Variants in DTX4 observed in about 807,000 individuals in gnomAD.
The protein encoded by DTX4 is deltex E3 ubiquitin ligase 4.
Under a neutral mutation model 57.6 loss-of-function variants are expected in DTX4, and 28 were observed. The ratio of observed to expected loss-of-function variants is 0.49; its 90% CI spans 0.36 to 0.67. The LOEUF (loss-of-function observed/expected upper bound fraction) is 0.67, where lower values mean the gene tolerates loss of function less well. Among genes scored for constraint, DTX4 ranks in the 30% least tolerant of loss-of-function variants. DTX4 has a pLI of 0.00. For missense variants in DTX4, 715 were observed against 836.8 expected (o/e 0.85, Z 1.80); for synonymous variants, 316 against 331.0 (o/e 0.95, Z 0.49).
chr11:59,188,742 A>G lies in DTX4; in HGVS notation c.943A>G (p.Thr315Ala). 6.2e-7 allele frequency: 1 copy of G among 1,613,898 alleles called. No individual in the cohort carries two copies. Among genetic ancestry groups the G allele is most frequent in the Non-Finnish European group, 8.5e-7 (1 of 1,179,782 alleles). Residue 315 changes from threonine to alanine, a missense_variant, in exon 3 of 9, where the codon ACA (threonine) becomes GCA (alanine). Thr to Ala is a moderately conservative substitution (Grantham distance 58). Coordinates refer to ENST00000227451, the MANE Select transcript of DTX4 (RefSeq NM_015177.2). ...TGCTCTTTCCTTTCACAGGGTCCCCACAGTCCCAGTGAAGAACCTAAATGG... is the reference window on the plus strand; with the variant it reads ...TGCTCTTTCCTTTCACAGGGTCCCCGCAGTCCCAGTGAAGAACCTAAATGG... Reference protein sequence around the residue: ...SRVLIASGVPTVPVKNLNGSS... With the variant: ...SRVLIASGVPAVPVKNLNGSS...
At chr11:59,195,451 T>A in intron 7 of DTX4, 82 bp downstream of exon 7, 2 of 1,457,066 alleles carry the variant, frequency 1.4e-6, no homozygotes, top group Non-Finnish European at 1.8e-6. Context: ...AAGTTACATA[T>A]GAAGAGTCTC....
At chr11:59,177,444 C>T (rs768976232) in intron 1 of DTX4, among the ~76,000 whole-genome samples, 1 of 152,198 alleles carries the variant, frequency 6.6e-6, no homozygotes, top group African/African-American at 2.4e-5. Context: ...TCTATGCCAA[C>T]ACCTCTCCAC....
chr11:59,176,038 G>A (rs377321704), intron 1 of DTX4, among the ~76,000 whole-genome samples: 6 of 152,294 alleles, frequency 3.9e-5, no homozygotes, highest in South Asian at 2.1e-4. Flanking sequence ...GTAAAGGAGC[G>A]TTCTTTCCAG....
At chr11:59,188,672 A>C (rs1862557672) in intron 2 of DTX4, 63 bp from the exon 3 acceptor site, 2 of 1,406,818 alleles carry the variant, frequency 1.4e-6, no homozygotes, top group Non-Finnish European at 2.0e-6. Flanking sequence ...TATTAGAATT[A>C]AATACTGGTC....
rs974169535 is a variant in DTX4 at position 59,205,086 on chromosome 11, G to A, written c.*177G>A. 2.3e-5 allele frequency: 14 copies of A among 598,318 alleles called. No individual in the cohort carries two copies. The East Asian group carries it at 3.1e-4, about 13-fold the overall frequency. 37.1% of individuals were successfully genotyped at this position (598,318 alleles called of 1,614,324 possible). A position where few individuals can be genotyped will look rare whatever the true frequency, so the allele number is the denominator to read the frequency against. ...CAGTGGGAGCCAGACTGAATATAGCGACATCATTCATAAATCTCATCCAAC... is the reference window on the plus strand; with the variant it reads ...CAGTGGGAGCCAGACTGAATATAGCAACATCATTCATAAATCTCATCCAAC... On this transcript the variant is annotated 3_prime_UTR_variant, in exon 9 of 9. Coordinates refer to ENST00000227451, the MANE Select transcript of DTX4 (RefSeq NM_015177.2).
intron 2 of DTX4, among the ~76,000 whole-genome samples, chr11:59,185,786 A>G (rs756407839): frequency 3.3e-5 from 5 of 152,308 alleles, no homozygotes; most frequent in Middle Eastern, 3.4e-3. Flanking sequence ...TGCCCCTTTT[A>G]TACTTGGGAG....
intron 6 of DTX4, among the ~76,000 whole-genome samples, chr11:59,192,578 C>T (rs979087002): frequency 2.6e-5 from 4 of 152,154 alleles, no homozygotes; most frequent in Admixed American, 1.3e-4. Flanking sequence ...GTGAAGTGTG[C>T]TCCCATCAGT....
At chr11:59,195,092 C>T (rs1862645314) in intron 6 of DTX4, 116 bp from the exon 7 acceptor site, 4 of 1,057,960 alleles carry the variant, frequency 3.8e-6, no homozygotes, top group Admixed American at 3.6e-5. Flanking sequence ...ATCTATCACT[C>T]ACCAGGGTGC....
chr11:59,189,337 G>A lies in DTX4; in HGVS notation c.1159+14G>A. 1 of 1,523,074 alleles carries A rather than the reference G, an allele frequency of 6.6e-7. No homozygotes were observed. The highest frequency in any genetic ancestry group is 1.3e-5 in the South Asian group (1 of 79,916). 94.3% of individuals were successfully genotyped at this position (1,523,074 alleles called of 1,614,324 possible). On this transcript the variant is annotated intron_variant, in intron 4 of 8. Coordinates refer to ENST00000227451, the MANE Select transcript of DTX4 (RefSeq NM_015177.2). ...AAGCCAAGAAAGGTACCAGCCTCTT[G>A]TCTCGTGGGGTACTGAGAGTCAAAG...
chr11:59,191,269 T>C, intron 5 of DTX4, 94 bp downstream of exon 5: 3 of 1,304,230 alleles, frequency 2.3e-6, no homozygotes, highest in Non-Finnish European at 3.2e-6. Flanking sequence ...TGGCGGGGGC[T>C]GCATTCCAAG....
At chr11:59,196,832 C>T (rs1173957360) in intron 7 of DTX4, among the ~76,000 whole-genome samples, 2 of 152,078 alleles carry the variant, frequency 1.3e-5, no homozygotes, top group Admixed American at 1.3e-4. Flanking sequence ...TCAGGTATCT[C>T]ACTGATTCTT....
chr11:59,187,912 C>T (rs1026640335), intron 2 of DTX4, among the ~76,000 whole-genome samples: 6 of 152,342 alleles, frequency 3.9e-5, no homozygotes, highest in Admixed American at 6.5e-5. Context: ...GCTGTTCTAG[C>T]AGTGGTTCCA....
chr11:59,181,727 C>T lies in DTX4; in HGVS notation c.212-12C>T. ...TGCTGACTCTGACCTCTCCCCTATC[C>T]CACCCTGGCAGGAACTCTCCGCCCA... On this transcript the variant is annotated splice_polypyrimidine_tract_variant and intron_variant, in intron 1 of 8. Transcript: ENST00000227451. The T allele has an allele frequency of 6.3e-7, 1 of 1,583,064 alleles. No homozygotes were observed. The highest frequency in any genetic ancestry group is 1.7e-4 in the Middle Eastern group (1 of 5,788).
intron 1 of DTX4, among the ~76,000 whole-genome samples, chr11:59,181,048 C>T (rs544210905): frequency 1.3e-5 from 2 of 151,944 alleles, no homozygotes; most frequent in African/African-American, 2.4e-5. Flanking sequence ...TTTTGGACAG[C>T]ATTTATAAAT....
chr11:59,202,324 A>T (rs1013084192), intron 8 of DTX4, among the ~76,000 whole-genome samples: 3 of 152,158 alleles, frequency 2.0e-5, no homozygotes, highest in African/African-American at 7.2e-5. Flanking sequence ...TCTGCCATTT[A>T]CTAGCTGTGG....
At chr11:59,179,596 C>G (rs1253832611) in intron 1 of DTX4, among the ~76,000 whole-genome samples, 1 of 152,234 alleles carries the variant, frequency 6.6e-6, no homozygotes, top group Non-Finnish European at 1.5e-5. Context: ...CCCCTCTCTG[C>G]TGAAAGCTGT....
Position 59,181,813 on chromosome 11 carries a change from G to A in DTX4, c.286G>A (p.Glu96Lys). Residue 96 changes from glutamate to lysine, a missense_variant, in exon 2 of 9, where the codon GAG (glutamate) becomes AAG (lysine). Physicochemically the swap from Glu to Lys is moderately conservative, Grantham distance 56. Transcript: ENST00000227451. ...TGGGAAGGGCGTGGTGTGGGAGTGGGAGAACGACAATGGCTCCTGGACGCC... is the reference window on the plus strand; with the variant it reads ...TGGGAAGGGCGTGGTGTGGGAGTGGAAGAACGACAATGGCTCCTGGACGCC... ...APGKGVVWEW[E>K]NDNGSWTPYD... is the part of the protein sequence containing the mutation. The A allele has an allele frequency of 6.2e-7, 1 of 1,614,014 alleles. No homozygotes were observed. The highest frequency in any genetic ancestry group is 8.5e-7 in the Non-Finnish European group (1 of 1,179,898).
intron 1 of DTX4, 55 bp from the exon 2 acceptor site, chr11:59,181,684 C>A: frequency 5.9e-6 from 9 of 1,537,174 alleles, no homozygotes; most frequent in Non-Finnish European, 7.9e-6. Context: ...TAATGTCTTG[C>A]CACTCAGTGT....
At chr11:59,177,604 G>A (rs1862411207) in intron 1 of DTX4, among the ~76,000 whole-genome samples, 1 of 152,030 alleles carries the variant, frequency 6.6e-6, no homozygotes, top group African/African-American at 2.4e-5. Flanking sequence ...TATCTTTCCA[G>A]GATTGTCTTC....
Sources: allele counts gnomAD v4.1 joint callset (sites outside exome capture counted in the v4.1 genomes callset), GRCh38; gene constraint gnomAD v4.1.1; transcripts MANE v1.5; gene names NCBI Gene and HGNC (gene_info 2026-07-23, HGNC 2026-07-21).